Variants in SLC39A13 observed in about 807,000 individuals in gnomAD.
SLC39A13 encodes the protein solute carrier family 39 member 13, also known as zinc transporter ZIP13.
Under a neutral mutation model 38.7 loss-of-function variants are expected in SLC39A13, and 18 were observed. The observed-to-expected ratio is 0.47, with a 90% CI of 0.32 to 0.69. The LOEUF (loss-of-function observed/expected upper bound fraction) is 0.69, where lower values mean the gene tolerates loss of function less well. Ranked by LOEUF, SLC39A13 falls within the 30% of genes least tolerant of loss-of-function variation. SLC39A13 has a pLI of 0.03. For synonymous variants in SLC39A13, 212 were observed against 219.1 expected (o/e 0.97, Z 0.29); for missense variants, 395 against 490.7 (o/e 0.80, Z 1.84).
At chr11:47,411,337 G>C (rs1437460702) in intron 2 of SLC39A13, among the ~76,000 whole-genome samples, 1 of 152,178 alleles carries the variant, frequency 6.6e-6, no homozygotes, top group Non-Finnish European at 1.5e-5. Flanking sequence ...CCCATAAAAG[G>C]CTCACAGCTG....
intron 7 of SLC39A13, 121 bp downstream of exon 7, chr11:47,414,596 G>A: frequency 6.7e-7 from 1 of 1,489,116 alleles, no homozygotes. Flanking sequence ...CTGGGGCTGG[G>A]CTGTGAGGGC....
At chr11:47,413,356 G>T (rs778395244) in intron 4 of SLC39A13, 44 bp from the exon 5 acceptor site, 4 of 1,581,878 alleles carry the variant, frequency 2.5e-6, no homozygotes, top group Non-Finnish European at 1.7e-6. Flanking sequence ...CTGGCTGAGT[G>T]GGGGGCATCT....
In SLC39A13 at chr11:47,410,256, G is replaced by A. The variant is rs778825687; in HGVS notation, c.162G>A (p.Glu54=). The A allele has an allele frequency of 6.2e-7, 1 of 1,614,048 alleles. No homozygotes were observed. The highest frequency in any genetic ancestry group is 2.2e-5 in the East Asian group (1 of 44,892). The change falls in exon 2 of 10, where the codon GAG becomes GAA. Residue 54 remains glutamate (E), a synonymous_variant. Transcript: ENST00000362021. ...GTCGCCTGGACAACAAGGAAAGCGA[G>A]TCCTGGGGGGCTCTGCTGAGCGGAG... ...TACRLDNKES[E]SWGALLSGER... is the part of the protein sequence containing the mutation.
rs2096009427 is a variant in SLC39A13, at chr11:47,413,402, C to T, written c.540C>T (p.Ala180=). ...LDSKEEGTSQ[A]PNKDPTAAAA... ...CTCCCTCCTTCTCCTGGCCCTAGGC[C>T]CCCAACAAAGACCCCACTGCTGCTG... is the stretch of plus-strand genomic sequence containing the variant. Residue 180 remains alanine, a splice_region_variant and synonymous_variant, in exon 5 of 10, where the codon GCC becomes GCT. Coordinates refer to ENST00000362021, the MANE Select transcript of SLC39A13 (RefSeq NM_001128225.3). 3 of 1,614,118 alleles carry T rather than the reference C, an allele frequency of 1.9e-6. No individual in the cohort carries two copies. The highest frequency in any genetic ancestry group is 2.5e-6 in the Non-Finnish European group (3 of 1,179,968).
At chr11:47,412,876 C>G (rs955858160) in intron 4 of SLC39A13, among the ~76,000 whole-genome samples, 2 of 151,266 alleles carry the variant, frequency 1.3e-5, no homozygotes, top group Non-Finnish European at 2.9e-5. Context: ...ATTCTCCTGC[C>G]TCAGCCTCCC....
chr11:47,408,478 C>A (rs917940149), upstream of SLC39A13: 1 of 151,258 alleles, frequency 6.6e-6, no homozygotes, highest in Non-Finnish European at 1.5e-5. Flanking sequence ...GCCACTCCCC[C>A]CGACCCCGCG....
chr11:47,414,401 C>A, intron 6 of SLC39A13, 24 bp from the exon 7 acceptor site: 1 of 1,601,592 alleles, frequency 6.2e-7, no homozygotes, highest in Non-Finnish European at 8.5e-7. Context: ...ACAGACCCCG[C>A]AGCCACGGCT....
intron 6 of SLC39A13, chr11:47,414,060 C>T (rs973654877): frequency 2.8e-5 from 17 of 615,942 alleles, no homozygotes; most frequent in African/African-American, 2.2e-4. Flanking sequence ...AATGTTCTCC[C>T]GCCCACGCTT....
intron 3 of SLC39A13, 147 bp downstream of exon 3, chr11:47,412,186 T>G (rs2096003026): frequency 7.8e-7 from 1 of 1,285,428 alleles, no homozygotes; most frequent in South Asian, 1.3e-5. Context: ...ATTGTCCTGG[T>G]CTCTGGGCCC....
upstream of SLC39A13, chr11:47,407,371 A>G (rs552861655): frequency 4.2e-4 from 64 of 152,418 alleles, no homozygotes; most frequent in African/African-American, 1.5e-3. Context: ...CAACAGTGCA[A>G]CATGAAGTGG....
At position 47,410,111 on chromosome 11, in the gene SLC39A13, G is replaced by A; in HGVS notation, c.17G>A (p.Cys6Tyr). 1 of 1,613,276 alleles carries A rather than the reference G, an allele frequency of 6.2e-7. No homozygotes were observed. The highest frequency in any genetic ancestry group is 8.5e-7 in the Non-Finnish European group (1 of 1,180,014). The stretch of plus-strand genomic sequence containing the variant: ...GTACGTGGCATGCCTGGATGTCCCT[G>A]CCCTGGCTGTGGCATGGCGGGCCCA... Reference protein sequence around the residue: MPGCPCPGCGMAGPRL... With the variant: MPGCPYPGCGMAGPRL... Residue 6 changes from cysteine to tyrosine, a missense_variant, in exon 2 of 10, where the codon TGC becomes TAC. By Grantham distance (194) the Cys-to-Tyr change is radical. Coordinates refer to ENST00000362021, the MANE Select transcript of SLC39A13 (RefSeq NM_001128225.3).
intron 2 of SLC39A13, 29 bp downstream of exon 2, chr11:47,410,424 C>G: frequency 3.7e-6 from 6 of 1,612,590 alleles, no homozygotes; most frequent in Non-Finnish European, 5.1e-6. Flanking sequence ...GCGCCCAGGG[C>G]TGGCCAGGGT....
chr11:47,410,098 C>T lies in SLC39A13; in HGVS notation c.4C>T (p.Pro2Ser). 1 of 1,612,936 alleles carries T rather than the reference C, an allele frequency of 6.2e-7. No individual in the cohort carries two copies. Among genetic ancestry groups the T allele is most frequent in the Non-Finnish European group, 8.5e-7 (1 of 1,179,998 alleles). Residue 2 changes from proline to serine, a missense_variant, in exon 2 of 10, where the codon CCT becomes TCT. By Grantham distance (74) the Pro-to-Ser change is moderately conservative. Transcript: ENST00000362021. ...TTTGTGTTTTTCAGTACGTGGCATG[C>T]CTGGATGTCCCTGCCCTGGCTGTGG... M[P>S]GCPCPGCGMA...
intron 2 of SLC39A13, among the ~76,000 whole-genome samples, chr11:47,411,585 AC>A (rs1565662323): frequency 6.6e-6 from 1 of 152,236 alleles, no homozygotes; most frequent in Non-Finnish European, 1.5e-5. Context: ...AGCCTGGGCA[AC>A]AGAGCGAGAC....
Position 47,410,328 on chromosome 11 carries a change from G to A in SLC39A13, c.234G>A (p.Val78=), listed in dbSNP as rs140298838. ...WICSLLGSLM[V]GLSGVFPLLV... ...GCTCCCTCCTGGGTTCCCTCATGGTGGGGCTCAGTGGGGTCTTCCCGTTGC... is the reference window on the plus strand; with the variant it reads ...GCTCCCTCCTGGGTTCCCTCATGGTAGGGCTCAGTGGGGTCTTCCCGTTGC... Residue 78 remains valine (V), a synonymous_variant, in exon 2 of 10, where the codon GTG becomes GTA. Coordinates refer to ENST00000362021, the MANE Select transcript of SLC39A13 (RefSeq NM_001128225.3). The A allele has an allele frequency of 8.1e-6, 13 of 1,614,034 alleles. No homozygotes were observed. Among genetic ancestry groups the A allele is most frequent in the Non-Finnish European group, 1.1e-5 (13 of 1,180,008 alleles).
chr11:47,410,827 G>A (rs924883247), intron 2 of SLC39A13, among the ~76,000 whole-genome samples: 2 of 152,186 alleles, frequency 1.3e-5, no homozygotes, highest in African/African-American at 4.8e-5. Context: ...AGCATCCCAG[G>A]GGCTGGTGCT....
chr11:47,415,198 G>A (rs199651988), intron 9 of SLC39A13, 39 bp downstream of exon 9: 4 of 1,612,084 alleles, frequency 2.5e-6, no homozygotes, highest in Non-Finnish European at 3.4e-6. Flanking sequence ...GCCACTCACA[G>A]GGCCCTTAGG....
At position 47,411,912 on chromosome 11, in the gene SLC39A13, T is replaced by C; in HGVS notation, c.302-14T>C. 1 of 1,610,724 alleles carries C rather than the reference T, an allele frequency of 6.2e-7. No individual in the cohort carries two copies. Among genetic ancestry groups the C allele is most frequent in the Non-Finnish European group, 8.5e-7 (1 of 1,178,584 alleles). On this transcript the variant is annotated splice_polypyrimidine_tract_variant and intron_variant, in intron 2 of 9. Coordinates refer to ENST00000362021, the MANE Select transcript of SLC39A13 (RefSeq NM_001128225.3). ...AGCCAGTCAGCCCCCAGACCCCGCA[T>C]CTCTCCCTTGTAGCTGGGGCCTGGC...
chr11:47,414,864 C>T lies in SLC39A13; in HGVS notation c.874C>T (p.Leu292=), dbSNP rs747733289. 6.2e-6 allele frequency: 10 copies of T among 1,612,508 alleles called. No homozygotes were observed. The highest frequency in any genetic ancestry group is 8.5e-6 in the Non-Finnish European group (10 of 1,179,952). The change falls in exon 8 of 10, where the codon CTG becomes TTG. Residue 292 remains leucine (L), a synonymous_variant. Coordinates refer to ENST00000362021, the MANE Select transcript of SLC39A13 (RefSeq NM_001128225.3). ...LQLSTALGGL[L]GAGFAICTQS... ...ACTCTCAACAGCGCTGGGGGGCCTA[C>T]TGGGCGCTGGCTTCGCCATCTGTAC...
Sources: allele counts gnomAD v4.1 joint callset (sites outside exome capture counted in the v4.1 genomes callset), GRCh38; gene constraint gnomAD v4.1.1; transcripts MANE v1.5; gene names NCBI Gene and HGNC (gene_info 2026-07-23, HGNC 2026-07-21).